The following BMPER variants were observed in gnomAD, a reference collection of about 807,000 sequenced individuals.
BMPER encodes BMP binding endothelial regulator, also known as BMP-binding endothelial regulator protein.
In BMPER, 45 loss-of-function variants were observed where a neutral mutation model predicts 87.3. That is an observed-to-expected ratio of 0.52 (90% CI 0.41 to 0.66). The LOEUF is 0.66. Among genes scored for constraint, BMPER ranks in the 30% least tolerant of loss-of-function variants. BMPER has a pLI of 0.00. For synonymous variants in BMPER, 326 were observed against 316.2 expected, an observed-to-expected ratio of 1.03 and a Z score of -0.33; for missense variants, 784 against 867.5, an observed-to-expected ratio of 0.90 and a Z score of 1.21.
chr7:34,008,669 A>G (rs1786797979), intron 6 of BMPER, among the ~76,000 whole-genome samples: 1 of 151,984 alleles, frequency 6.6e-6, no homozygotes, highest in Non-Finnish European at 1.5e-5. Context: ...TAGCCCCTCA[A>G]GAATGACATT....
intron 13 of BMPER, among the ~76,000 whole-genome samples, chr7:34,129,529 G>A (rs1190583911): frequency 2.1e-5 from 3 of 144,702 alleles, no homozygotes; most frequent in Non-Finnish European, 3.0e-5. Flanking sequence ...AGAGCGAGAC[G>A]CTGTCTCAAA....
At chr7:34,105,665 G>A (rs1789799942) in intron 13 of BMPER, among the ~76,000 whole-genome samples, 1 of 152,162 alleles carries the variant, frequency 6.6e-6, no homozygotes, top group Admixed American at 6.5e-5. Flanking sequence ...ATGTACAAGT[G>A]TATATTTACT....
chr7:34,133,382 G>A (rs1039548673), intron 13 of BMPER, among the ~76,000 whole-genome samples: 1 of 150,632 alleles, frequency 6.6e-6, no homozygotes, highest in African/African-American at 2.5e-5. Context: ...ACACACAGGG[G>A]TTCTGGAAGG....
chr7:33,921,530 C>T (rs1191517185), intron 2 of BMPER, among the ~76,000 whole-genome samples: 1 of 152,178 alleles, frequency 6.6e-6, no homozygotes, highest in Non-Finnish European at 1.5e-5. Flanking sequence ...AGAATACCCC[C>T]CGGGGTCAGT....
chr7:33,950,838 G>A lies in BMPER; in HGVS notation c.319+13450G>A, dbSNP rs114546960. The stretch of plus-strand genomic sequence containing the variant: ...TACCAACCATACCCAGAGCAGCTTT[G>A]GGACACATGGTAAGTAGAAGCATCT... On this transcript the variant is annotated intron_variant, in intron 3 of 14. Transcript: ENST00000649409. Among the ~76,000 whole-genome samples the A allele has an allele frequency of 7.4e-3, 1,133 of 152,240 alleles. 13 individuals carry two copies. Among genetic ancestry groups the A allele is most frequent in the African/African-American group, 0.026 (1,076 of 41,546 alleles).
intron 6 of BMPER, among the ~76,000 whole-genome samples, chr7:34,008,328 G>A (rs568069370): frequency 6.6e-6 from 1 of 151,938 alleles, no homozygotes; most frequent in African/African-American, 2.4e-5. Context: ...TGTCACTGTT[G>A]ATTCTGTAGT....
chr7:34,094,035 C>T (rs751471760), intron 13 of BMPER, among the ~76,000 whole-genome samples: 19 of 152,146 alleles, frequency 1.2e-4, no homozygotes, highest in Non-Finnish European at 2.2e-4. Flanking sequence ...GAGCAGCTAG[C>T]CTGACAGGCA....
At chr7:34,028,859 A>C (rs1787449899) in intron 6 of BMPER, among the ~76,000 whole-genome samples, 2 of 151,722 alleles carry the variant, frequency 1.3e-5, no homozygotes, top group Non-Finnish European at 2.9e-5. Flanking sequence ...ATGTGGAGAG[A>C]TGGACAGCTA....
chr7:34,054,456 A>G (rs1308274241), intron 8 of BMPER, among the ~76,000 whole-genome samples: 1 of 152,172 alleles, frequency 6.6e-6, no homozygotes, highest in Admixed American at 6.5e-5. Context: ...TGTGCCAGGT[A>G]TTTTACATTT....
At chr7:34,090,119 C>G (rs1789339658) in intron 13 of BMPER, among the ~76,000 whole-genome samples, 2 of 152,110 alleles carry the variant, frequency 1.3e-5, no homozygotes, top group Non-Finnish European at 2.9e-5. Context: ...AAGTTTTAAC[C>G]AAATGCATTG....
At chr7:33,918,166 C>T (rs918916257) in intron 2 of BMPER, among the ~76,000 whole-genome samples, 2 of 152,086 alleles carry the variant, frequency 1.3e-5, no homozygotes, top group East Asian at 1.9e-4. Context: ...ATTTCTTCCC[C>T]CTTTCTCCTT....
chr7:34,023,320 T>A (rs1001158224), intron 6 of BMPER, among the ~76,000 whole-genome samples: 1 of 151,954 alleles, frequency 6.6e-6, no homozygotes, highest in African/African-American at 2.4e-5. Context: ...AAGAAAGAGG[T>A]CTGATGGCAC....
intron 13 of BMPER, among the ~76,000 whole-genome samples, chr7:34,105,552 C>T (rs1789796073): frequency 6.6e-6 from 1 of 152,212 alleles, no homozygotes; most frequent in South Asian, 2.1e-4. Flanking sequence ...TGATCGTCAA[C>T]TCACAAGTCT....
intron 6 of BMPER, among the ~76,000 whole-genome samples, chr7:34,027,820 C>T (rs1007031936): frequency 5.3e-5 from 8 of 151,986 alleles, no homozygotes; most frequent in African/African-American, 1.9e-4. Context: ...AGCTTGACAG[C>T]TCTGTAATAC....
chr7:33,931,192 G>A (rs529844656), intron 2 of BMPER, among the ~76,000 whole-genome samples: 1 of 152,304 alleles, frequency 6.6e-6, no homozygotes, highest in African/African-American at 2.4e-5. Flanking sequence ...CTGCAGACTA[G>A]CTTAACTACA....
chr7:34,049,838 A>G (rs2127959616), intron 7 of BMPER, among the ~76,000 whole-genome samples: 1 of 152,340 alleles, frequency 6.6e-6, no homozygotes, highest in Non-Finnish European at 1.5e-5. Context: ...ACTGATTAAG[A>G]GGAAGATAAT....
chr7:34,003,108 T>C (rs575672415), intron 6 of BMPER, among the ~76,000 whole-genome samples: 1 of 151,972 alleles, frequency 6.6e-6, no homozygotes, highest in East Asian at 1.9e-4. Flanking sequence ...ATTACTATCA[T>C]ATTTTGTGTT....
rs1455135840 is a variant in BMPER, at chr7:34,143,254, A to C, written c.1770A>C (p.Glu590Asp). 6.2e-6 allele frequency: 10 copies of C among 1,613,932 alleles called. No homozygotes were observed. The highest frequency in any genetic ancestry group is 8.5e-6 in the Non-Finnish European group (10 of 1,179,946). ...GGTCCTGTGTGACAGACATGTGTGAATGTCCAGTCCATAAAAACTGTTATT... is the reference window on the plus strand; with the variant it reads ...GGTCCTGTGTGACAGACATGTGTGACTGTCCAGTCCATAAAAACTGTTATT... ...FYRSCVTDMC[E>D]CPVHKNCYCE... Residue 590 changes from glutamate to aspartate, a missense_variant, in exon 14 of 15, where the codon GAA (glutamate) becomes GAC (aspartate). Coordinates refer to ENST00000649409, the MANE Select transcript of BMPER (RefSeq NM_001365308.1).
chr7:33,961,403 A>G (rs557490217), intron 3 of BMPER, among the ~76,000 whole-genome samples: 2 of 152,346 alleles, frequency 1.3e-5, no homozygotes, highest in South Asian at 4.1e-4. Context: ...TCTATGCACC[A>G]TTGGTCATTG....
Sources: allele counts gnomAD v4.1 joint callset (sites outside exome capture counted in the v4.1 genomes callset), GRCh38; gene constraint gnomAD v4.1.1; transcripts MANE v1.5; gene names NCBI Gene and HGNC (gene_info 2026-07-23, HGNC 2026-07-21).